Variants in SVOP observed in about 807,000 individuals in gnomAD.
SVOP encodes SV2 related protein, also known as synaptic vesicle 2-related protein.
A neutral mutation model predicts 69.1 loss-of-function variants in SVOP; 17 were observed. That is an observed-to-expected ratio of 0.25 (90% CI 0.17 to 0.37). The LOEUF is 0.37. SVOP is among the 10% of genes least tolerant of loss of function. The pLI, the probability that SVOP is intolerant of heterozygous loss-of-function variation, is 1.00. For missense variants in SVOP, 435 were observed against 597.5 expected, an observed-to-expected ratio of 0.73 and a Z score of 2.84; for synonymous variants, 238 against 238.6, an observed-to-expected ratio of 1.00 and a Z score of 0.02.
intron 11 of SVOP, among the ~76,000 whole-genome samples, chr12:108,927,619 C>G (rs1354648512): frequency 6.9e-6 from 1 of 144,618 alleles, no homozygotes; most frequent in Non-Finnish European, 1.5e-5. Context: ...GAAAGAGGCT[C>G]TCACTCTGTT....
At chr12:108,978,541 C>G (rs1216240438) in intron 3 of SVOP, 37 bp downstream of exon 3, 1 of 701,792 alleles carries the variant, frequency 1.4e-6, no homozygotes. Flanking sequence ...ATGGGGGTTT[C>G]TTGGAGGCTG....
intron 11 of SVOP, among the ~76,000 whole-genome samples, chr12:108,931,056 G>A (rs879812958): frequency 2.0e-5 from 3 of 152,116 alleles, no homozygotes; most frequent in Admixed American, 1.3e-4. Flanking sequence ...AGGATGCTTA[G>A]CTTAAGCATT....
intron 11 of SVOP, among the ~76,000 whole-genome samples, chr12:108,932,458 T>C (rs189294503): frequency 2.0e-5 from 3 of 152,152 alleles, no homozygotes; most frequent in Non-Finnish European, 4.4e-5. Context: ...GAAAAAGTAA[T>C]GCTATTAGAA....
At chr12:108,916,808 T>C (rs2039716827) in intron 14 of SVOP, among the ~76,000 whole-genome samples, 1 of 152,184 alleles carries the variant, frequency 6.6e-6, no homozygotes, top group Non-Finnish European at 1.5e-5. Flanking sequence ...AGTGGCACAA[T>C]CATGGCTCAC....
intron 1 of SVOP, among the ~76,000 whole-genome samples, chr12:109,004,442 T>C (rs150569232): frequency 1.1e-4 from 14 of 129,616 alleles, no homozygotes; most frequent in African/African-American, 3.6e-4. Flanking sequence ...GACAGGGTCT[T>C]ACTCTGTTGC....
intron 6 of SVOP, among the ~76,000 whole-genome samples, chr12:108,953,221 T>A (rs1324809724): frequency 1.4e-5 from 2 of 140,248 alleles, no homozygotes; most frequent in Non-Finnish European, 3.0e-5. Context: ...TGAACTCGGC[T>A]CACTGCAACC....
At chr12:108,929,308 G>A (rs35219680) in intron 11 of SVOP, among the ~76,000 whole-genome samples, 3 of 151,976 alleles carry the variant, frequency 2.0e-5, no homozygotes, top group Non-Finnish European at 2.9e-5. Context: ...TATTTAGTTA[G>A]TTAGTTAGTT....
intron 1 of SVOP, among the ~76,000 whole-genome samples, chr12:109,009,108 C>T (rs982559453): frequency 2.0e-5 from 3 of 150,612 alleles, no homozygotes; most frequent in African/African-American, 4.9e-5. Context: ...ATTACAGGCG[C>T]GAGCCACAAC....
intron 6 of SVOP, among the ~76,000 whole-genome samples, chr12:108,957,677 G>C (rs964409806): frequency 1.3e-5 from 2 of 152,200 alleles, no homozygotes; most frequent in African/African-American, 4.8e-5. Flanking sequence ...GCTCAATTTT[G>C]GTGTTAAATG....
Position 108,977,731 on chromosome 12 carries a change from T to C in SVOP, c.283-235A>G, listed in dbSNP as rs532234210. 1.4e-4 allele frequency among the ~76,000 whole-genome samples: 21 copies of C among 152,342 alleles called. No individual in the cohort carries two copies. In the South Asian group the frequency reaches 4.1e-3, roughly 30 times the overall value. On this transcript the variant is annotated intron_variant, in intron 3 of 15. Transcript: ENST00000610966. ...TATTTTCGTGTGTGGTTTTTTTGTGTGTGTTTTAAAAAATATGGGCATATC... is the reference window on the plus strand; with the variant it reads ...TATTTTCGTGTGTGGTTTTTTTGTGCGTGTTTTAAAAAATATGGGCATATC...
At chr12:108,969,560 C>T (rs1054925134) in intron 5 of SVOP, among the ~76,000 whole-genome samples, 15 of 151,718 alleles carry the variant, frequency 9.9e-5, no homozygotes, top group African/African-American at 3.6e-4. Flanking sequence ...CTTCTGACCT[C>T]AGGTCATCCT....
intron 14 of SVOP, among the ~76,000 whole-genome samples, chr12:108,917,785 G>A (rs1301357074): frequency 2.0e-5 from 3 of 152,026 alleles, no homozygotes; most frequent in Non-Finnish European, 4.4e-5. Flanking sequence ...TGGAACTACA[G>A]GTGTGCGCCA....
intron 1 of SVOP, among the ~76,000 whole-genome samples, chr12:109,010,888 G>C (rs1413732780): frequency 6.6e-6 from 1 of 151,512 alleles, no homozygotes; most frequent in Non-Finnish European, 1.5e-5. Flanking sequence ...TGAAGTGAAG[G>C]GGTGTGAACA....
At chr12:108,961,576 G>A (rs1305627782) in intron 5 of SVOP, among the ~76,000 whole-genome samples, 1 of 152,056 alleles carries the variant, frequency 6.6e-6, no homozygotes, top group Non-Finnish European at 1.5e-5. Flanking sequence ...CAATGACAAC[G>A]CTGTGTGCAG....
rs562175142 is a variant in SVOP, at chr12:109,002,702, G to A, written c.35+18132C>T. ...AAATCATCTTTCTCAGTAAACTACCGCAAGAACAAAAAACCAAACACCGCG... is the reference window on the plus strand; with the variant it reads ...AAATCATCTTTCTCAGTAAACTACCACAAGAACAAAAAACCAAACACCGCG... On this transcript the variant is annotated intron_variant, in intron 1 of 15. Coordinates refer to ENST00000610966, the MANE Select transcript of SVOP (RefSeq NM_018711.5). 4.5e-3 allele frequency among the ~76,000 whole-genome samples: 686 copies of A among 150,956 alleles called. 2 individuals are homozygous for A. The highest frequency in any genetic ancestry group is 8.1e-3 in the Admixed American group (122 of 15,016).
At chr12:108,918,831 A>G (rs1416266633) in intron 13 of SVOP, among the ~76,000 whole-genome samples, 1 of 152,178 alleles carries the variant, frequency 6.6e-6, no homozygotes, top group Admixed American at 6.5e-5. Flanking sequence ...TCAAAAGTCT[A>G]AATATGGCAT....
chr12:108,913,941 A>G (rs1396696659), intron 15 of SVOP, among the ~76,000 whole-genome samples: 1 of 152,190 alleles, frequency 6.6e-6, no homozygotes, highest in Non-Finnish European at 1.5e-5. Context: ...GTGAGCCACC[A>G]TGCCCAGCCC....
chr12:109,012,883 T>C (rs965956912), intron 1 of SVOP, among the ~76,000 whole-genome samples: 1 of 152,198 alleles, frequency 6.6e-6, no homozygotes, highest in African/African-American at 2.4e-5. Flanking sequence ...GAGCCATGAT[T>C]GTGCCACTGC....
At chr12:108,941,883 T>G (rs1304798048) in intron 7 of SVOP, among the ~76,000 whole-genome samples, 1 of 151,976 alleles carries the variant, frequency 6.6e-6, no homozygotes, top group African/African-American at 2.4e-5. Flanking sequence ...CAGGGTGGTC[T>G]TGAACTCCTG....
Sources: allele counts gnomAD v4.1 joint callset (sites outside exome capture counted in the v4.1 genomes callset), GRCh38; gene constraint gnomAD v4.1.1; transcripts MANE v1.5; gene names NCBI Gene and HGNC (gene_info 2026-07-23, HGNC 2026-07-21).